Variants in TTYH2 observed in about 807,000 individuals in gnomAD.
TTYH2 encodes protein tweety homolog 2.
TTYH2 carries 49 observed loss-of-function variants against 68.3 expected under a neutral mutation model. The ratio of observed to expected loss-of-function variants is 0.72; its 90% CI spans 0.57 to 0.91. The LOEUF is 0.91. Among genes scored for constraint, TTYH2 ranks in the 40% least tolerant of loss-of-function variants. The probability of loss-of-function intolerance (pLI) is 0.00; values close to 1 mark genes in which losing one functional copy is unlikely to be tolerated. For missense variants in TTYH2, 631 were observed against 700.4 expected (o/e 0.90, Z 1.12); for synonymous variants, 272 against 300.8 (o/e 0.90, Z 0.99).
chr17:74,245,160 G>A (rs11657136), intron 6 of TTYH2, among the ~76,000 whole-genome samples: 1 of 152,218 alleles, frequency 6.6e-6, no homozygotes, highest in Non-Finnish European at 1.5e-5. Context: ...GCCTGACTTA[G>A]CACCTTAGGC....
At chr17:74,220,601 C>A (rs1259773964) in intron 1 of TTYH2, among the ~76,000 whole-genome samples, 1 of 152,170 alleles carries the variant, frequency 6.6e-6, no homozygotes, top group African/African-American at 2.4e-5. Context: ...GACTGAGGAC[C>A]AGAAGAGGGG....
chr17:74,218,162 G>A (rs557064105), intron 1 of TTYH2, among the ~76,000 whole-genome samples: 1 of 150,814 alleles, frequency 6.6e-6, no homozygotes, highest in South Asian at 2.1e-4. Context: ...CCCTGGAAGA[G>A]GGTGCTGCTG....
chr17:74,247,025 A>T (rs534419684), intron 6 of TTYH2, among the ~76,000 whole-genome samples: 1 of 152,136 alleles, frequency 6.6e-6, no homozygotes, highest in South Asian at 2.1e-4. Flanking sequence ...TCTAGTAAAA[A>T]TACAAAATTA....
chr17:74,225,356 G>T lies in TTYH2; in HGVS notation c.302+2699G>T, dbSNP rs2143726252. 1.3e-5 allele frequency among the ~76,000 whole-genome samples: 2 copies of T among 152,264 alleles called. 1 individual carries two copies. The highest frequency in any genetic ancestry group is 4.1e-4 in the South Asian group (2 of 4,832). On this transcript the variant is annotated intron_variant, in intron 2 of 13. Coordinates refer to ENST00000269346, the MANE Select transcript of TTYH2 (RefSeq NM_032646.6). ...TGTCACGGGGTCAGAAGACACAGGG[G>T]GCAGATGGGATTCAAACCATGAAGC...
At chr17:74,243,335 C>T (rs370080781) in intron 4 of TTYH2, 39 bp from the exon 5 acceptor site, 851 of 1,572,066 alleles carry the variant, frequency 5.4e-4, no homozygotes, top group Non-Finnish European at 6.9e-4. Flanking sequence ...TCAGAAGTTC[C>T]ACCCTGCTGC....
At position 74,260,366 on chromosome 17, in the gene TTYH2, G is replaced by A. The variant is rs556986294; in HGVS notation, c.*157G>A. The A allele has an allele frequency of 4.6e-4, 334 of 732,556 alleles. 5 individuals are homozygous for A. The South Asian group carries it at 5.2e-3, about 11-fold the overall frequency. The allele number at this position is 732,556 out of a possible 1,614,324, so 45.4% of individuals were successfully genotyped here. On this transcript the variant is annotated 3_prime_UTR_variant, in exon 14 of 14. Coordinates refer to ENST00000269346, the MANE Select transcript of TTYH2 (RefSeq NM_032646.6). ...CTGGGATTCCCGACCAAAGCCCCAG[G>A]GGGTGCAGAAGACTCACCACGCGGG...
chr17:74,226,855 AAC>A (rs2050335454), intron 2 of TTYH2, among the ~76,000 whole-genome samples: 1 of 152,128 alleles, frequency 6.6e-6, no homozygotes, highest in South Asian at 2.1e-4. Context: ...CCTCAAGCAG[AAC>A]AGTTTTTCCT....
chr17:74,227,485 C>A (rs1371345643), intron 2 of TTYH2, among the ~76,000 whole-genome samples: 1 of 152,184 alleles, frequency 6.6e-6, no homozygotes, highest in Non-Finnish European at 1.5e-5. Context: ...GGTTCATTTT[C>A]TTTTAAATAA....
intron 13 of TTYH2, among the ~76,000 whole-genome samples, chr17:74,257,750 G>A (rs115766306): frequency 0.012 from 1,841 of 152,342 alleles, 30 homozygotes; most frequent in African/African-American, 0.038. Context: ...AGATACTGAC[G>A]TTGAGACTTC....
intron 2 of TTYH2, among the ~76,000 whole-genome samples, chr17:74,230,257 A>T (rs1016928521): frequency 7.4e-5 from 11 of 149,464 alleles, no homozygotes; most frequent in African/African-American, 2.2e-4. Context: ...TCATTTTTTC[A>T]TTTTTTTTTT....
At chr17:74,246,015 T>C (rs2050554029) in intron 6 of TTYH2, among the ~76,000 whole-genome samples, 1 of 152,018 alleles carries the variant, frequency 6.6e-6, no homozygotes, top group Non-Finnish European at 1.5e-5. Flanking sequence ...TTCCAGGCCC[T>C]GGGGCCACCC....
rs1340407330 is a variant in TTYH2, at chr17:74,261,216, A to G, written c.*1007A>G. The G allele has an allele frequency of 6.6e-6, 1 of 152,244 alleles. No individual in the cohort carries two copies. Among genetic ancestry groups the G allele is most frequent in the Non-Finnish European group, 1.5e-5 (1 of 68,032 alleles). The allele number at this position is 152,244 out of a possible 1,614,324, so 9.4% of individuals were successfully genotyped here. ...GTCGATTCTTAAATAAGGATCAGTG[A>G]GGCATCCTGTCCCAAGCTACTGTTT... On this transcript the variant is annotated 3_prime_UTR_variant, in exon 14 of 14. Coordinates refer to ENST00000269346, the MANE Select transcript of TTYH2 (RefSeq NM_032646.6).
At position 74,250,267 on chromosome 17, in the gene TTYH2, A is replaced by G. The variant is rs1257405156; in HGVS notation, c.1026A>G (p.Glu342=). 6.2e-7 allele frequency: 1 copy of G among 1,612,738 alleles called. No individual in the cohort carries two copies. Among genetic ancestry groups the G allele is most frequent in the African/African-American group, 1.3e-5 (1 of 74,966 alleles). Reference sequence around the variant, plus strand: ...CTCTCGCTCTCTTCCCGCTTCAGGAAGACCTGCTTGCAATCCAGCTCCTGC... The same window carrying G: ...CTCTCGCTCTCTTCCCGCTTCAGGAGGACCTGCTTGCAATCCAGCTCCTGC... ...FAVPLFSTAE[E]DLLAIQLLLN... The change falls in exon 10 of 14, where the codon GAA becomes GAG. Residue 342 remains glutamate (E), a splice_region_variant and synonymous_variant. Coordinates refer to ENST00000269346, the MANE Select transcript of TTYH2 (RefSeq NM_032646.6).
At position 74,213,974 on chromosome 17, in the gene TTYH2, C is replaced by G. The variant is rs1423833102; in HGVS notation, c.129+258C>G. ...CGAGCGTGGGGAAGGGGAGGAAGGG[C>G]GCAAGACCGCCTGCGGGGTGAGGGG... On this transcript the variant is annotated intron_variant, in intron 1 of 13. Coordinates refer to ENST00000269346, the MANE Select transcript of TTYH2 (RefSeq NM_032646.6). This position sits in a 1 kb window ranked among gnomAD's most constrained non-coding sequence, Gnocchi z 6.1. 6.6e-6 allele frequency among the ~76,000 whole-genome samples: 1 copy of G among 151,874 alleles called. No homozygotes were observed. Among genetic ancestry groups the G allele is most frequent in the African/African-American group, 2.4e-5 (1 of 41,328 alleles).
chr17:74,254,259 C>T (rs752523117), intron 13 of TTYH2, among the ~76,000 whole-genome samples: 21 of 152,066 alleles, frequency 1.4e-4, no homozygotes, highest in Non-Finnish European at 2.8e-4. Context: ...TACTGCAACC[C>T]AGGTTTCAAG....
Position 74,213,838 on chromosome 17 carries a change from C to A in TTYH2, c.129+122C>A. On this transcript the variant is annotated intron_variant, in intron 1 of 13. Transcript: ENST00000269346. The surrounding 1 kb of genome is among the most constrained non-coding windows in gnomAD (Gnocchi z 6.1). The stretch of plus-strand genomic sequence containing the variant: ...CAGACCCCTTCTCTCCCCGCGCAGC[C>A]CTTTCCCGTCTCCCCTCTCCCCTTT... 1 of 1,271,166 alleles carries A rather than the reference C, an allele frequency of 7.9e-7. No individual in the cohort carries two copies. The highest frequency in any genetic ancestry group is 1.1e-6 in the Non-Finnish European group (1 of 925,606). The allele number at this position is 1,271,166 out of a possible 1,614,324, so 78.7% of individuals were successfully genotyped here.
chr17:74,249,350 C>G lies in TTYH2; in HGVS notation c.881C>G (p.Thr294Ser). The change falls in exon 8 of 14, where the codon ACT (threonine) becomes AGT (serine). Residue 294 changes from threonine (T) to serine (S), a missense_variant. Thr to Ser is a moderately conservative substitution (Grantham distance 58). Coordinates refer to ENST00000269346, the MANE Select transcript of TTYH2 (RefSeq NM_032646.6). The part of the protein sequence containing the change: ...VTEGQISTEV[T>S]RYYLYCSQSG... ...TTATGCCGTTGCCCTGCAGAGGTGACTCGCTACTACCTGTATTGCAGCCAG... is the reference window on the plus strand; with the variant it reads ...TTATGCCGTTGCCCTGCAGAGGTGAGTCGCTACTACCTGTATTGCAGCCAG... 1 of 1,614,162 alleles carries G rather than the reference C, an allele frequency of 6.2e-7. No homozygotes were observed. Among genetic ancestry groups the G allele is most frequent in the Non-Finnish European group, 8.5e-7 (1 of 1,180,028 alleles).
At chr17:74,252,397 G>A in intron 11 of TTYH2, 21 bp downstream of exon 11, 1 of 1,610,508 alleles carries the variant, frequency 6.2e-7, no homozygotes, top group Non-Finnish European at 8.5e-7. Context: ...TAGTAAGGAG[G>A]GGAGCCTCCC....
intron 3 of TTYH2, among the ~76,000 whole-genome samples, chr17:74,233,032 A>G (rs2050405960): frequency 6.6e-6 from 1 of 152,074 alleles, no homozygotes; most frequent in African/African-American, 2.4e-5. Flanking sequence ...TGTGTTCCCA[A>G]AGAGAAGGGT....
Sources: gnomAD v4.1 joint callset for allele counts (sites outside exome capture counted in the v4.1 genomes callset) on GRCh38, gnomAD v4.1.1 for gene constraint, Gnocchi (gnomAD v3.1) non-coding constraint, MANE v1.5 for transcripts, NCBI Gene and HGNC (gene_info 2026-07-23, HGNC 2026-07-21) for gene names.